The following TARM1 variants were observed in gnomAD, a reference collection of about 807,000 sequenced individuals.
TARM1 encodes T-cell-interacting, activating receptor on myeloid cells protein 1.
TARM1 carries 24 observed loss-of-function variants against 30.4 expected under a neutral mutation model. The ratio of observed to expected loss-of-function variants is 0.79; its 90% CI spans 0.57 to 1.11. TARM1 has a LOEUF of 1.11. TARM1 is among the 50% of genes least tolerant of loss of function. The probability of loss-of-function intolerance (pLI) is 0.00; values close to 1 mark genes in which losing one functional copy is unlikely to be tolerated. For missense variants in TARM1, 323 were observed against 332.8 expected, an observed-to-expected ratio of 0.97 and a Z score of 0.23; for synonymous variants, 129 against 138.9, an observed-to-expected ratio of 0.93 and a Z score of 0.50.
chr19:54,079,092 TAAA>T (rs1162488725), intron 1 of TARM1, among the ~76,000 whole-genome samples: 13 of 102,414 alleles, frequency 1.3e-4, no homozygotes, highest in South Asian at 3.8e-4. Context: ...TTGTCTCTAC[TAAA>T]AAAAAAAAAA....
At position 54,075,066 on chromosome 19, in the gene TARM1, G is replaced by C; in HGVS notation, c.119C>G (p.Pro40Arg). ...SLSAWPSSVV[P>R]ANSNVTLRCW... ...TCGCAGCGTCACATTGCTGTTGGCA[G>C]GGACCACCGAGCTGGGCCAGGCACT... Residue 40 changes from proline to arginine, a missense_variant, in exon 3 of 5, where the codon CCT becomes CGT. By Grantham distance (103) the Pro-to-Arg change is moderately radical (BLOSUM62 -2). Transcript: ENST00000432826. The C allele has an allele frequency of 1.9e-6, 3 of 1,551,518 alleles. No individual in the cohort carries two copies. The highest frequency in any genetic ancestry group is 2.6e-6 in the Non-Finnish European group (3 of 1,146,986).
At chr19:54,072,502 G>A (rs1316938292) in intron 4 of TARM1, among the ~76,000 whole-genome samples, 2 of 152,072 alleles carry the variant, frequency 1.3e-5, no homozygotes, top group Non-Finnish European at 2.9e-5. Context: ...ATGTTCTGAG[G>A]ATGAGATAAT....
intron 4 of TARM1, 90 bp from the exon 5 acceptor site, chr19:54,070,250 T>C: frequency 6.8e-7 from 1 of 1,469,842 alleles, no homozygotes. Context: ...ATCACCCACT[T>C]AATGTTTTCG....
intron 1 of TARM1, 191 bp from the exon 2 acceptor site, chr19:54,076,109 A>C: frequency 6.8e-7 from 1 of 1,468,902 alleles, no homozygotes; most frequent in Non-Finnish European, 9.0e-7. Context: ...ATCCTTTCCC[A>C]GAGATTCTCC....
chr19:54,076,502 A>G (rs1004052662), intron 1 of TARM1: 12 of 378,556 alleles, frequency 3.2e-5, no homozygotes, highest in African/African-American at 2.1e-4. Context: ...AGCTGGGATC[A>G]CAGGCATGCG....
intron 4 of TARM1, 41 bp from the exon 5 acceptor site, chr19:54,070,201 A>C (rs1600194110): frequency 1.3e-6 from 2 of 1,532,600 alleles, no homozygotes; most frequent in Non-Finnish European, 1.8e-6. Context: ...CTCAGAGGGT[A>C]TCCCTCCTTC....
rs1421827495 is a variant in TARM1, at chr19:54,070,062, C to T, written c.757G>A (p.Glu253Lys). ...GACACATTCCGGCTGTACCAGGCCTCCACCAGGAAAGCTCCCATGATAACC... is the reference window on the plus strand; with the variant it reads ...GACACATTCCGGCTGTACCAGGCCTTCACCAGGAAAGCTCCCATGATAACC... ...IVVIMGAFLVEAWYSRNVSPG... is the reference protein window; with the variant it reads ...IVVIMGAFLVKAWYSRNVSPG... Residue 253 changes from glutamate (E) to lysine (K), a missense_variant, in exon 5 of 5, where the codon GAG (glutamate) becomes AAG (lysine). By Grantham distance (56) the Glu-to-Lys change is moderately conservative. Coordinates refer to ENST00000432826, the MANE Select transcript of TARM1 (RefSeq NM_001135686.3). The T allele has an allele frequency of 1.3e-6, 2 of 1,551,576 alleles. No homozygotes were observed. The highest frequency in any genetic ancestry group is 2.4e-5 in the South Asian group (2 of 84,060).
intron 4 of TARM1, among the ~76,000 whole-genome samples, chr19:54,071,177 C>T (rs2071802029): frequency 2.0e-5 from 3 of 152,020 alleles, no homozygotes; most frequent in Admixed American, 6.6e-5. Flanking sequence ...AAACTGGTTT[C>T]GAACTCCTGG....
At chr19:54,076,894 T>A (rs1423255216) in intron 1 of TARM1, among the ~76,000 whole-genome samples, 1 of 152,114 alleles carries the variant, frequency 6.6e-6, no homozygotes, top group African/African-American at 2.4e-5. Flanking sequence ...CCCAGGCTCA[T>A]GATCTCTTTT....
At chr19:54,078,021 G>C (rs1363151487) in intron 1 of TARM1, among the ~76,000 whole-genome samples, 1 of 151,932 alleles carries the variant, frequency 6.6e-6, no homozygotes, top group Non-Finnish European at 1.5e-5. Context: ...CAAGTAGCTG[G>C]GATTACAGGC....
At chr19:54,078,130 G>T (rs1328654645) in intron 1 of TARM1, among the ~76,000 whole-genome samples, 1 of 149,502 alleles carries the variant, frequency 6.7e-6, no homozygotes, top group Non-Finnish European at 1.5e-5. Context: ...CAGGTGATCC[G>T]CCCATCTTAG....
intron 1 of TARM1, among the ~76,000 whole-genome samples, chr19:54,080,485 AGGAAGGAAGG>A (rs1366685876): frequency 6.9e-5 from 7 of 100,904 alleles, no homozygotes; most frequent in East Asian, 6.4e-4. Context: ...AGAGAGAGAG[AGGAAGGAAGG>A]GAGGAAGGAA....
chr19:54,077,835 C>T (rs1173623644), intron 1 of TARM1, among the ~76,000 whole-genome samples: 4 of 148,936 alleles, frequency 2.7e-5, no homozygotes, highest in Non-Finnish European at 4.5e-5. Flanking sequence ...CTCCGCCTCG[C>T]GGGTTCAAGT....
Position 54,081,341 on chromosome 19 carries a change from G to A in TARM1, c.-1C>T, listed in dbSNP as rs1356635169. 3 of 1,541,020 alleles carry A rather than the reference G, an allele frequency of 1.9e-6. No homozygotes were observed. In the African/African-American group the frequency reaches 4.2e-5, roughly 21 times the overall value. ...GGAGGGAAAGCAGCTTAGGGATCAT[G>A]ATGGCTCCTTAGCCCTCCCAGAGTC... is the stretch of plus-strand genomic sequence containing the variant. On this transcript the variant is annotated 5_prime_UTR_variant, in exon 1 of 5. Transcript: ENST00000432826.
At chr19:54,077,891 T>G (rs1279478296) in intron 1 of TARM1, among the ~76,000 whole-genome samples, 8 of 151,388 alleles carry the variant, frequency 5.3e-5, no homozygotes, top group African/African-American at 1.7e-4. Flanking sequence ...TACAGCTCAC[T>G]GCAACCTCCG....
chr19:54,080,496 G>GGAAGGAAGGAAGGA, intron 1 of TARM1, among the ~76,000 whole-genome samples: 2 of 107,416 alleles, frequency 1.9e-5, no homozygotes, highest in South Asian at 7.5e-4. Context: ...GGAAGGAAGG[G>GGAAGGAAGGAAGGA]AGGAAGGAAG....
At position 54,080,145 on chromosome 19, in the gene TARM1, AAGC is replaced by A. The variant is rs1157002098; in HGVS notation, c.34+1159_34+1161del. Among the ~76,000 whole-genome samples the A allele has an allele frequency of 1.1e-4, 10 of 89,564 alleles. 4 individuals carry two copies. The highest frequency in any genetic ancestry group is 3.0e-4 in the African/African-American group (8 of 26,554). 58.8% of individuals were successfully genotyped at this position (89,564 alleles called of 152,430 possible). Reference sequence around the variant, plus strand: ...GAAGGAAGGAAGGAAGGAAGAAAGCAAGCAAGCAAGCAAGCAAGCAAGCAAGCA... The same window carrying A: ...GAAGGAAGGAAGGAAGGAAGAAAGCAAAGCAAGCAAGCAAGCAAGCAAGCA... On this transcript the variant is annotated intron_variant, in intron 1 of 4. Coordinates refer to ENST00000432826, the MANE Select transcript of TARM1 (RefSeq NM_001135686.3).
chr19:54,080,019 G>GGGAAGGAAGGAAGGAAGGAA (rs71195717), intron 1 of TARM1, among the ~76,000 whole-genome samples: 8,167 of 82,918 alleles, frequency 0.098, 725 homozygotes, highest in African/African-American at 0.17. Flanking sequence ...AGGAAAAGGA[G>GGGAAGGAAGGAAGGAAGGAA]GGAAGGAAGG....
In TARM1 at chr19:54,074,004, C is replaced by T; in HGVS notation, c.574G>A (p.Gly192Arg). 4 of 1,551,672 alleles carry T rather than the reference C, an allele frequency of 2.6e-6. No individual in the cohort carries two copies. The highest frequency in any genetic ancestry group is 4.9e-5 in the East Asian group (2 of 40,912). The change falls in exon 4 of 5, where the codon GGG becomes AGG. Residue 192 changes from glycine to arginine, a missense_variant. By Grantham distance (125) the Gly-to-Arg change is moderately radical. Transcript: ENST00000432826. The stretch of plus-strand genomic sequence containing the variant: ...TGGTAGTACATGCAGCTGTAGTTCC[C>T]AGCATCGCCGGCTGTCACGTCCACC... ...SLVDVTAGDA[G>R]NYSCMYYQTK...
Sources: gnomAD v4.1 joint callset for allele counts (sites outside exome capture counted in the v4.1 genomes callset) on GRCh38, gnomAD v4.1.1 for gene constraint, MANE v1.5 for transcripts, NCBI Gene and HGNC (gene_info 2026-07-23, HGNC 2026-07-21) for gene names.